Variants in UNC80 observed in about 807,000 individuals in gnomAD.
UNC80 encodes the protein unc-80 subunit of NALCN channel complex.
In UNC80, 164 loss-of-function variants were observed where a neutral mutation model predicts 384.6. The observed-to-expected ratio is 0.43, with a 90% CI of 0.38 to 0.49. UNC80 has a LOEUF of 0.49. Ranked by LOEUF, UNC80 falls within the 20% of genes least tolerant of loss-of-function variation. The pLI is 0.00. For synonymous variants in UNC80, 1,486 were observed against 1,527.8 expected (o/e 0.97, Z 0.64); for missense variants, 3,330 against 4,143.0 (o/e 0.80, Z 5.39).
intron 38 of UNC80, among the ~76,000 whole-genome samples, chr2:209,933,337 C>G (rs1316616263): frequency 6.6e-6 from 1 of 152,038 alleles, no homozygotes; most frequent in Non-Finnish European, 1.5e-5. Flanking sequence ...CCTCATGACA[C>G]ACATTTACCT....
intron 7 of UNC80, among the ~76,000 whole-genome samples, chr2:209,798,285 T>G (rs923217679): frequency 1.3e-5 from 2 of 152,246 alleles, no homozygotes; most frequent in Non-Finnish European, 2.9e-5. Context: ...AGGGTTCTTA[T>G]GGTTTTGGGT....
intron 33 of UNC80, among the ~76,000 whole-genome samples, chr2:209,919,443 C>G (rs2089853862): frequency 6.6e-6 from 1 of 151,976 alleles, no homozygotes; most frequent in Non-Finnish European, 1.5e-5. Context: ...CACAAAATAT[C>G]CCCAGAAAAG....
At chr2:209,925,536 T>A (rs990317892) in intron 35 of UNC80, among the ~76,000 whole-genome samples, 2 of 151,962 alleles carry the variant, frequency 1.3e-5, no homozygotes, top group African/African-American at 4.8e-5. Flanking sequence ...ATTCCCTTAT[T>A]TTATTTTATT....
chr2:209,885,197 G>A (rs1287364326), intron 25 of UNC80, among the ~76,000 whole-genome samples: 4 of 152,078 alleles, frequency 2.6e-5, no homozygotes, highest in African/African-American at 9.7e-5. Context: ...AATAAAGTAT[G>A]AGCAAGGTGG....
rs1051198482 is a variant in UNC80, at chr2:209,976,376, A to G, written c.8772+73A>G. 11 of 1,539,494 alleles carry G rather than the reference A, an allele frequency of 7.1e-6. No homozygotes were observed. Among genetic ancestry groups the G allele is most frequent in the African/African-American group, 6.9e-5 (5 of 72,764 alleles). The stretch of plus-strand genomic sequence containing the variant: ...TGTGGCTCTCTACTGAGGCAGGAAT[A>G]TGGCAGGAGTGCTCATGGTACCTAC... On this transcript the variant is annotated intron_variant, in intron 57 of 64. Transcript: ENST00000673920. This position sits in a 1 kb window ranked among gnomAD's most constrained non-coding sequence, Gnocchi z 4.3.
intron 38 of UNC80, 48 bp from the exon 39 acceptor site, chr2:209,933,774 G>A (rs1483924595): frequency 7.5e-6 from 11 of 1,468,970 alleles, no homozygotes; most frequent in South Asian, 1.3e-5. Flanking sequence ...GAGAATGTGA[G>A]CTCGGGATTA....
intron 51 of UNC80, among the ~76,000 whole-genome samples, chr2:209,961,956 A>G (rs2092604852): frequency 6.6e-6 from 1 of 152,202 alleles, no homozygotes; most frequent in South Asian, 2.1e-4. Flanking sequence ...CAAAGTATGG[A>G]TAGCCATGTA....
chr2:209,992,217 G>A lies in UNC80; in HGVS notation c.9366G>A (p.Gln3122=). The change falls in exon 62 of 65, where the codon CAG becomes CAA. Residue 3122 remains glutamine, a synonymous_variant. Transcript: ENST00000673920. The part of the protein sequence containing the change: ...EPGQQNLLVQ[Q]PLGRKRGLRQ... ...GTCAACAGAACCTCCTTGTTCAGCA[G>A]CCGCTGGGGAGGAAGAGGGGCCTGA... 1.3e-6 allele frequency: 2 copies of A among 1,551,606 alleles called. 1 individual carries two copies. Among genetic ancestry groups the A allele is most frequent in the South Asian group, 2.4e-5 (2 of 84,066 alleles).
chr2:209,981,813 T>C (rs767766182), intron 59 of UNC80, among the ~76,000 whole-genome samples: 6 of 152,222 alleles, frequency 3.9e-5, no homozygotes, highest in Non-Finnish European at 5.9e-5. Context: ...ATTTGATTCA[T>C]TCAATAACAA....
chr2:209,913,907 C>G lies in UNC80; in HGVS notation c.4996C>G (p.Leu1666Val). 6.4e-7 allele frequency: 1 copy of G among 1,550,736 alleles called. No homozygotes were observed. The highest frequency in any genetic ancestry group is 8.7e-7 in the Non-Finnish European group (1 of 1,146,232). The change falls in exon 31 of 65, where the codon CTC (leucine) becomes GTC (valine). Residue 1666 changes from leucine to valine, a missense_variant. Around this residue, in one of 8 missense-constraint regions of UNC80, gnomAD observed 801 missense variants for 950.8 expected, o/e 0.84. Transcript: ENST00000673920. ...CCAGCCAGCTGCCTGGGAGCTCCTGCTCAGCATGGATGAGCACATGGCAGG... is the reference window on the plus strand; with the variant it reads ...CCAGCCAGCTGCCTGGGAGCTCCTGGTCAGCATGGATGAGCACATGGCAGG... ...DIQPAAWELL[L>V]SMDEHMAGAA...
chr2:209,789,179 G>T (rs571929651), intron 5 of UNC80, among the ~76,000 whole-genome samples: 2 of 152,248 alleles, frequency 1.3e-5, no homozygotes, highest in South Asian at 2.1e-4. Flanking sequence ...TTCTCAGAAC[G>T]TATCTTTGTC....
chr2:209,834,975 C>T lies in UNC80; in HGVS notation c.3006C>T (p.Ser1002=), dbSNP rs2153828872. 4 of 1,551,236 alleles carry T rather than the reference C, an allele frequency of 2.6e-6. No homozygotes were observed. In the South Asian group the frequency reaches 4.8e-5, roughly 18 times the overall value. The part of the protein sequence containing the change: ...QVSSAPEECR[S]FMSGRPSQTP... Reference sequence around the variant, plus strand: ...CCTCTGCACCTGAGGAATGTCGCAGCTTCATGTCTGGTCGCCCCTCACAGA... The same window carrying T: ...CCTCTGCACCTGAGGAATGTCGCAGTTTCATGTCTGGTCGCCCCTCACAGA... The change falls in exon 18 of 65, where the codon AGC becomes AGT. Residue 1002 remains serine, a synonymous_variant. Coordinates refer to ENST00000673920, the MANE Select transcript of UNC80 (RefSeq NM_001371986.1).
Position 209,967,572 on chromosome 2 carries a change from C to T in UNC80, c.7941C>T (p.Ala2647=). The T allele has an allele frequency of 1.9e-6, 3 of 1,551,512 alleles. No homozygotes were observed. The highest frequency in any genetic ancestry group is 2.6e-6 in the Non-Finnish European group (3 of 1,146,942). Residue 2647 remains alanine (A), a synonymous_variant, in exon 52 of 65, where the codon GCC becomes GCT. Transcript: ENST00000673920. The stretch of plus-strand genomic sequence containing the variant: ...GGACAGCTGAGGCAGTGAGGCCGGC[C>T]CTCATCCTCATTTTAAAAAGATTGG... ...TDWTAEAVRP[A]LILILKRLDR... is the part of the protein sequence containing the mutation.
chr2:209,926,354 T>C (rs1285078161), intron 35 of UNC80, among the ~76,000 whole-genome samples: 1 of 152,266 alleles, frequency 6.6e-6, no homozygotes, highest in Non-Finnish European at 1.5e-5. Flanking sequence ...GGGCTGGTTT[T>C]TTTTATTTGT....
chr2:209,815,457 G>A lies in UNC80; in HGVS notation c.1335+66G>A, dbSNP rs1484473055. ...AAAAAATGTCAGTGGGACATGAGAT[G>A]TTTCTGATGATACTGCAGTATGGGG... On this transcript the variant is annotated intron_variant, in intron 9 of 64. Coordinates refer to ENST00000673920, the MANE Select transcript of UNC80 (RefSeq NM_001371986.1). 1.2e-5 allele frequency: 18 copies of A among 1,503,826 alleles called. No individual in the cohort carries two copies. The East Asian group carries it at 4.2e-4, about 35-fold the overall frequency. 93.2% of individuals were successfully genotyped at this position (1,503,826 alleles called of 1,614,324 possible). A position where few individuals can be genotyped will look rare whatever the true frequency, so the allele number is the denominator to read the frequency against.
rs372969869 is a variant in UNC80, at chr2:209,893,338, GGAA to G, written c.4277-823_4277-821del. Among the ~76,000 whole-genome samples, 31 of 152,278 alleles carry G rather than the reference GGAA, an allele frequency of 2.0e-4. No homozygotes were observed. In the East Asian group the frequency reaches 4.8e-3, roughly 24 times the overall value. ...GTGTGAAAACACCAAATCTTGAAAA[GGAA>G]GGAGGTGTGTATATGACTATGGAAA... On this transcript the variant is annotated intron_variant, in intron 26 of 64. Coordinates refer to ENST00000673920, the MANE Select transcript of UNC80 (RefSeq NM_001371986.1).
intron 61 of UNC80, among the ~76,000 whole-genome samples, chr2:209,989,447 C>T (rs990889884): frequency 5.9e-5 from 9 of 152,114 alleles, no homozygotes; most frequent in African/African-American, 2.2e-4. Flanking sequence ...ACACATTTCA[C>T]TTATCTGAAA....
intron 7 of UNC80, chr2:209,809,086 C>T: frequency 2.0e-6 from 1 of 502,540 alleles, no homozygotes; most frequent in Non-Finnish European, 3.6e-6. Context: ...GAAAGGCTCC[C>T]AGTCCCCCAG....
intron 21 of UNC80, among the ~76,000 whole-genome samples, chr2:209,844,472 TTTCTTTCCTTCCTTCCTTCCTTCC>T (rs1333001452): frequency 2.3e-3 from 180 of 77,090 alleles, no homozygotes; most frequent in African/African-American, 4.5e-3. Flanking sequence ...TCTTTCTTTC[TTTCTTTCCTTCCTTCCTTCCTTCC>T]TTCCTTCCTT....
Sources: allele counts gnomAD v4.1 joint callset (sites outside exome capture counted in the v4.1 genomes callset), GRCh38; gene constraint gnomAD v4.1.1; regional missense constraint gnomAD v4.1.1; non-coding constraint Gnocchi (gnomAD v3.1); transcripts MANE v1.5; gene names NCBI Gene and HGNC (gene_info 2026-07-23, HGNC 2026-07-21).